CNTN1: variants seen among roughly 807,000 people sequenced by gnomAD.
CNTN1 encodes the protein contactin-1.
A neutral mutation model predicts 126.4 loss-of-function variants in CNTN1; 38 were observed. The observed-to-expected ratio is 0.30, with a 90% CI of 0.23 to 0.39. The LOEUF (loss-of-function observed/expected upper bound fraction) is 0.39, where lower values mean the gene tolerates loss of function less well. CNTN1 is among the 10% of genes least tolerant of loss of function. CNTN1 has a pLI of 1.00. For missense variants in CNTN1, 1,009 were observed against 1,248.4 expected (o/e 0.81, Z 2.89); for synonymous variants, 413 against 422.6 (o/e 0.98, Z 0.28).
intron 1 of CNTN1, among the ~76,000 whole-genome samples, chr12:40,896,700 T>G (rs1565901523): frequency 6.6e-6 from 1 of 152,200 alleles, no homozygotes; most frequent in Non-Finnish European, 1.5e-5. Flanking sequence ...CTCAAATATA[T>G]TTTTTCTAAT....
Position 41,072,237 on chromosome 12 carries a change from T to A in CNTN1, c.*2202T>A, listed in dbSNP as rs1950169988. ...ATATAGGTATAGATACATCTGTTGT[T>A]TCTTTGTATTTCAGGAAAGGTGATA... On this transcript the variant is annotated 3_prime_UTR_variant, in exon 24 of 24. Coordinates refer to ENST00000551295, the MANE Select transcript of CNTN1 (RefSeq NM_001843.4). The A allele has an allele frequency of 6.6e-6, 1 of 152,230 alleles. No individual in the cohort carries two copies. Among genetic ancestry groups the A allele is most frequent in the Admixed American group, 6.5e-5 (1 of 15,280 alleles). 9.4% of individuals were successfully genotyped at this position (152,230 alleles called of 1,614,324 possible).
At chr12:40,819,733 A>T (rs1250603104) in intron 1 of CNTN1, among the ~76,000 whole-genome samples, 1 of 152,208 alleles carries the variant, frequency 6.6e-6, no homozygotes, top group Non-Finnish European at 1.5e-5. Context: ...GCTTAAGCAG[A>T]TTCCAGCTGA....
At chr12:41,039,426 T>C (rs1039799601) in intron 23 of CNTN1, among the ~76,000 whole-genome samples, 24 of 152,280 alleles carry the variant, frequency 1.6e-4, no homozygotes, top group Non-Finnish European at 2.6e-4. Context: ...ATGGCAGAAC[T>C]TTAAGGATTT....
chr12:40,921,270 G>A (rs1446655341), intron 4 of CNTN1, among the ~76,000 whole-genome samples: 1 of 122,360 alleles, frequency 8.2e-6, no homozygotes, highest in East Asian at 2.1e-4. Flanking sequence ...ACTCTAATTA[G>A]AAGTGGCCAG....
intron 15 of CNTN1, 135 bp downstream of exon 15, chr12:40,959,369 A>G (rs1947022544): frequency 1.8e-5 from 17 of 942,724 alleles, no homozygotes; most frequent in Non-Finnish European, 2.8e-5. Context: ...ATGGATCTTA[A>G]GCTTCTTCCC....
intron 1 of CNTN1, among the ~76,000 whole-genome samples, chr12:40,882,526 G>C (rs1943903088): frequency 6.6e-6 from 1 of 151,682 alleles, no homozygotes; most frequent in African/African-American, 2.4e-5. Context: ...ATGAAACACA[G>C]AAAACTGAGT....
intron 1 of CNTN1, among the ~76,000 whole-genome samples, chr12:40,905,462 A>G (rs896048870): frequency 6.6e-6 from 1 of 152,146 alleles, no homozygotes; most frequent in Non-Finnish European, 1.5e-5. Flanking sequence ...CTCAATAGCA[A>G]CACTGCAGTA....
At chr12:40,843,372 G>C (rs1193824867) in intron 1 of CNTN1, among the ~76,000 whole-genome samples, 1 of 152,100 alleles carries the variant, frequency 6.6e-6, no homozygotes, top group African/African-American at 2.4e-5. Context: ...TAATAAAAAA[G>C]AAATTGTGGC....
chr12:41,014,384 A>T, intron 18 of CNTN1, 86 bp downstream of exon 18: 1 of 1,372,444 alleles, frequency 7.3e-7, no homozygotes, highest in Non-Finnish European at 1.0e-6. Context: ...ATAAATTGAG[A>T]TGAAAGTGAC....
At chr12:40,815,521 G>A (rs958446525) in intron 1 of CNTN1, among the ~76,000 whole-genome samples, 1 of 152,160 alleles carries the variant, frequency 6.6e-6, no homozygotes, top group East Asian at 1.9e-4. Context: ...CTTTGCTGAA[G>A]TTGTTTATTA....
intron 1 of CNTN1, among the ~76,000 whole-genome samples, chr12:40,760,717 T>C (rs1480209395): frequency 2.0e-5 from 3 of 152,196 alleles, no homozygotes; most frequent in African/African-American, 7.2e-5. Flanking sequence ...AAACAAATTA[T>C]ATTTAAGTAA....
At chr12:41,029,863 C>T (rs1027978346) in intron 23 of CNTN1, among the ~76,000 whole-genome samples, 8 of 151,840 alleles carry the variant, frequency 5.3e-5, no homozygotes, top group Non-Finnish European at 1.0e-4. Context: ...TTTCTCACAC[C>T]TTTGTTTGAT....
chr12:40,997,438 TATTCTTTCTC>T (rs66749966), intron 17 of CNTN1, among the ~76,000 whole-genome samples: 5,168 of 152,360 alleles, frequency 0.034, 114 homozygotes, highest in Middle Eastern at 0.11. Context: ...TTTCATTTAG[TATTCTTTCTC>T]ATTCTTTCTT....
At chr12:40,938,224 A>G (rs1253692887) in intron 11 of CNTN1, among the ~76,000 whole-genome samples, 1 of 152,230 alleles carries the variant, frequency 6.6e-6, no homozygotes, top group African/African-American at 2.4e-5. Flanking sequence ...AAGTCTGAGC[A>G]TGACATCAAT....
At chr12:40,854,146 G>A (rs1300556911) in intron 1 of CNTN1, among the ~76,000 whole-genome samples, 1 of 151,596 alleles carries the variant, frequency 6.6e-6, no homozygotes, top group East Asian at 1.9e-4. Context: ...AGGCTGACAT[G>A]CTATCTATAC....
intron 1 of CNTN1, among the ~76,000 whole-genome samples, chr12:40,849,090 TC>T (rs1378242469): frequency 1.3e-5 from 2 of 152,110 alleles, no homozygotes; most frequent in East Asian, 3.8e-4. Flanking sequence ...CTGAATTTAG[TC>T]CCTTGAGATT....
chr12:40,933,324 A>G, intron 7 of CNTN1, 137 bp from the exon 8 acceptor site: 1 of 692,572 alleles, frequency 1.4e-6, no homozygotes, highest in South Asian at 1.6e-5. Context: ...AAGTCTATCC[A>G]TTATGATATG....
intron 1 of CNTN1, among the ~76,000 whole-genome samples, chr12:40,740,018 C>A (rs917833522): frequency 1.3e-5 from 2 of 151,956 alleles, no homozygotes; most frequent in South Asian, 4.1e-4. Context: ...AAATTCCCCT[C>A]AAAAATTCAA....
chr12:40,880,811 C>G (rs555232243), intron 1 of CNTN1, among the ~76,000 whole-genome samples: 1 of 151,934 alleles, frequency 6.6e-6, no homozygotes, highest in African/African-American at 2.4e-5. Context: ...CTATTTTCTT[C>G]TCAGGCTCCA....
Sources: gnomAD v4.1 joint callset for allele counts (sites outside exome capture counted in the v4.1 genomes callset) on GRCh38, gnomAD v4.1.1 for gene constraint, MANE v1.5 for transcripts, NCBI Gene and HGNC (gene_info 2026-07-23, HGNC 2026-07-21) for gene names.